MAP3K5: variants seen among roughly 807,000 people sequenced by gnomAD.
The protein encoded by MAP3K5 is ASK-1.
Under a neutral mutation model 158.7 loss-of-function variants are expected in MAP3K5, and 56 were observed. The observed-to-expected ratio is 0.35, with a 90% CI of 0.28 to 0.44. The LOEUF (loss-of-function observed/expected upper bound fraction) is 0.44. Ranked by LOEUF, MAP3K5 falls within the 20% of genes least tolerant of loss-of-function variation. The pLI, the probability that MAP3K5 is intolerant of heterozygous loss-of-function variation, is 1.00. For synonymous variants in MAP3K5, 579 were observed against 601.7 expected, an observed-to-expected ratio of 0.96 and a Z score of 0.55; for missense variants, 1,294 against 1,674.8, an observed-to-expected ratio of 0.77 and a Z score of 3.97.
At chr6:136,576,452 T>G (rs772075084) in intron 25 of MAP3K5, among the ~76,000 whole-genome samples, 2 of 152,172 alleles carry the variant, frequency 1.3e-5, no homozygotes, top group Non-Finnish European at 1.5e-5. Context: ...GCTATGGGCA[T>G]GCACCACTAT....
At chr6:136,602,999 C>A (rs974420349) in intron 19 of MAP3K5, among the ~76,000 whole-genome samples, 30 of 151,932 alleles carry the variant, frequency 2.0e-4, no homozygotes, top group African/African-American at 6.5e-4. Flanking sequence ...TAGTACAGAG[C>A]AAATTTTCAA....
intron 25 of MAP3K5, among the ~76,000 whole-genome samples, chr6:136,574,228 G>A (rs1200227304): frequency 6.6e-6 from 1 of 152,122 alleles, no homozygotes; most frequent in South Asian, 2.1e-4. Context: ...ACCACGCTTG[G>A]CCTAGACCAA....
intron 1 of MAP3K5, among the ~76,000 whole-genome samples, chr6:136,762,030 G>A (rs554065125): frequency 2.6e-5 from 4 of 152,254 alleles, no homozygotes; most frequent in Admixed American, 2.6e-4. Flanking sequence ...ATTAGAAAAA[G>A]GAAACAACAT....
Position 136,609,993 on chromosome 6 carries a change from C to G in MAP3K5, c.2521+1289G>C, listed in dbSNP as rs773932341. On this transcript the variant is annotated intron_variant, in intron 18 of 29. Coordinates refer to ENST00000359015, the MANE Select transcript of MAP3K5 (RefSeq NM_005923.4). This position sits in a 1 kb window ranked among gnomAD's most constrained non-coding sequence, Gnocchi z 4.4. ...CGGTACACACTGCTGTGACTTCTGA[C>G]TGCAATGTCACTTCTCTCCCAGGTA... Among the ~76,000 whole-genome samples the G allele has an allele frequency of 6.6e-6, 1 of 152,032 alleles. No homozygotes were observed. The highest frequency in any genetic ancestry group is 1.5e-5 in the Non-Finnish European group (1 of 67,994).
At chr6:136,622,041 G>A (rs150653035) in intron 15 of MAP3K5, among the ~76,000 whole-genome samples, 1,827 of 150,908 alleles carry the variant, frequency 0.012, 42 homozygotes, top group African/African-American at 0.042. Flanking sequence ...AGCCGAGATC[G>A]TGCCACTGAA....
At chr6:136,663,242 A>G (rs916617740) in intron 8 of MAP3K5, among the ~76,000 whole-genome samples, 10 of 152,224 alleles carry the variant, frequency 6.6e-5, no homozygotes, top group Admixed American at 5.9e-4. Flanking sequence ...TTAATTTTCC[A>G]TCATGAAGAA....
At chr6:136,743,502 G>A (rs1782804022) in intron 1 of MAP3K5, among the ~76,000 whole-genome samples, 1 of 152,040 alleles carries the variant, frequency 6.6e-6, no homozygotes, top group Non-Finnish European at 1.5e-5. Flanking sequence ...ACACCTATTC[G>A]AATGGCTGAA....
intron 23 of MAP3K5, among the ~76,000 whole-genome samples, chr6:136,590,392 A>G (rs563185698): frequency 6.6e-6 from 1 of 152,342 alleles, no homozygotes; most frequent in Non-Finnish European, 1.5e-5. Context: ...TTCAGAGTAC[A>G]TATGGCCTTC....
intron 1 of MAP3K5, among the ~76,000 whole-genome samples, chr6:136,758,425 T>A (rs1783600767): frequency 6.6e-6 from 1 of 152,258 alleles, no homozygotes; most frequent in African/African-American, 2.4e-5. Flanking sequence ...GAATTTACAC[T>A]GCATTTATAC....
chr6:136,563,632 C>T (rs1209445914), intron 26 of MAP3K5, among the ~76,000 whole-genome samples: 1 of 152,132 alleles, frequency 6.6e-6, no homozygotes, highest in Non-Finnish European at 1.5e-5. Flanking sequence ...GATATTCATA[C>T]CAAAGTTCTT....
chr6:136,791,686 AT>A, intron 1 of MAP3K5, 23 bp downstream of exon 1: 1 of 1,611,030 alleles, frequency 6.2e-7, no homozygotes, highest in African/African-American at 1.3e-5. Flanking sequence ...ACCGCGCGGG[AT>A]GGGAAAGGGG....
chr6:136,721,274 C>T (rs967845141), intron 1 of MAP3K5, among the ~76,000 whole-genome samples: 3 of 144,330 alleles, frequency 2.1e-5, no homozygotes, highest in African/African-American at 5.1e-5. Flanking sequence ...ATATATAAAA[C>T]GAGATTTTTA....
chr6:136,602,729 A>T (rs574854864), intron 19 of MAP3K5, among the ~76,000 whole-genome samples: 106 of 152,270 alleles, frequency 7.0e-4, no homozygotes, highest in African/African-American at 2.5e-3. Flanking sequence ...TCCTTGTTAC[A>T]CCAATGAGGA....
At chr6:136,735,045 GGGAGAACTTCACATTC>G (rs1359086488) in intron 1 of MAP3K5, among the ~76,000 whole-genome samples, 1 of 152,216 alleles carries the variant, frequency 6.6e-6, no homozygotes, top group African/African-American at 2.4e-5. Context: ...AAAGAGGACA[GGGAGAACTTCACATTC>G]TCTGATGATG....
chr6:136,734,686 T>C (rs949367273), intron 1 of MAP3K5, among the ~76,000 whole-genome samples: 3 of 152,188 alleles, frequency 2.0e-5, no homozygotes, highest in African/African-American at 7.2e-5. Context: ...GTGAAGCTTA[T>C]TACAGTTTTA....
At chr6:136,596,859 G>A (rs1775654981) in intron 21 of MAP3K5, among the ~76,000 whole-genome samples, 1 of 152,180 alleles carries the variant, frequency 6.6e-6, no homozygotes, top group Admixed American at 6.5e-5. Flanking sequence ...CTGTAAATGG[G>A]AAGAAGCTCA....
At chr6:136,624,126 G>A (rs1438881841) in intron 14 of MAP3K5, among the ~76,000 whole-genome samples, 4 of 152,092 alleles carry the variant, frequency 2.6e-5, no homozygotes, top group African/African-American at 4.8e-5. Context: ...CCTGGGAGAC[G>A]GAGGTTGCAG....
At chr6:136,733,726 G>A (rs866281098) in intron 1 of MAP3K5, among the ~76,000 whole-genome samples, 1 of 140,802 alleles carries the variant, frequency 7.1e-6, no homozygotes, top group Non-Finnish European at 1.5e-5. Flanking sequence ...CACACACACA[G>A]CCTCCCCCAT....
chr6:136,622,290 T>C (rs981058668), intron 15 of MAP3K5, among the ~76,000 whole-genome samples: 1 of 152,092 alleles, frequency 6.6e-6, no homozygotes, highest in Non-Finnish European at 1.5e-5. Flanking sequence ...ATTTGTCAGT[T>C]ACAGTTCAGT....
Sources: allele counts gnomAD v4.1 joint callset (sites outside exome capture counted in the v4.1 genomes callset), GRCh38; gene constraint gnomAD v4.1.1; non-coding constraint Gnocchi (gnomAD v3.1); transcripts MANE v1.5; gene names NCBI Gene and HGNC (gene_info 2026-07-23, HGNC 2026-07-21).